The following PDZD8 variants were observed in gnomAD, a reference collection of about 807,000 sequenced individuals.
PDZD8 encodes PDZ domain-containing protein 8.
Under a neutral mutation model 85.8 loss-of-function variants are expected in PDZD8, and 14 were observed. That is an observed-to-expected ratio of 0.16 (90% CI 0.11 to 0.26). The LOEUF (loss-of-function observed/expected upper bound fraction) is 0.26. Ranked by LOEUF, PDZD8 falls within the 10% of genes least tolerant of loss-of-function variation. PDZD8 has a pLI of 1.00. For synonymous variants in PDZD8, 592 were observed against 568.6 expected (o/e 1.04, Z -0.59); for missense variants, 1,197 against 1,424.3 (o/e 0.84, Z 2.57).
intron 1 of PDZD8, among the ~76,000 whole-genome samples, chr10:117,342,345 T>A (rs1198818928): frequency 6.6e-6 from 1 of 151,746 alleles, no homozygotes; most frequent in Non-Finnish European, 1.5e-5. Flanking sequence ...CCATGATATC[T>A]ACTTGCTCAG....
intron 4 of PDZD8, chr10:117,285,687 T>G: frequency 1.7e-6 from 2 of 1,201,794 alleles, no homozygotes; most frequent in Non-Finnish European, 2.1e-6. Flanking sequence ...ATCCTGGAGA[T>G]GTTTACCTTT....
chr10:117,346,520 T>C (rs1844712080), intron 1 of PDZD8, among the ~76,000 whole-genome samples: 1 of 151,322 alleles, frequency 6.6e-6, no homozygotes, highest in South Asian at 2.1e-4. Flanking sequence ...TAAGTAATTT[T>C]TAGGCAGCAA....
At chr10:117,339,633 T>C (rs939322460) in intron 2 of PDZD8, among the ~76,000 whole-genome samples, 1 of 152,214 alleles carries the variant, frequency 6.6e-6, no homozygotes, top group Non-Finnish European at 1.5e-5. Flanking sequence ...AAAATTCATA[T>C]ACAAAGTTTT....
Position 117,294,828 on chromosome 10 carries a change from C to T in PDZD8, c.1099-4480G>A, listed in dbSNP as rs138753585. On this transcript the variant is annotated intron_variant, in intron 3 of 4. Transcript: ENST00000334464. ...AAAAACTTGATCTCATAGAAATAGA[C>T]GTAGAAGAGTGGTTACCAGAGGCTG... 5.3e-5 allele frequency among the ~76,000 whole-genome samples: 8 copies of T among 152,000 alleles called. No homozygotes were observed. In the East Asian group the frequency reaches 9.6e-4, roughly 18 times the overall value.
Position 117,284,639 on chromosome 10 carries a change from T to C in PDZD8, c.2094A>G (p.Ala698=). 1 of 1,614,230 alleles carries C rather than the reference T, an allele frequency of 6.2e-7. No individual in the cohort carries two copies. The highest frequency in any genetic ancestry group is 2.2e-5 in the East Asian group (1 of 44,890). ...AGGCTTCTATGTCAAACAAACAGGA[T>C]GCTCTGGTTCTTGTCCATTTTCCTA... ...NKLGKWTRTR[A]SCLFDIEACH... The change falls in exon 5 of 5, where the codon GCA becomes GCG. Residue 698 remains alanine (A), a synonymous_variant. Coordinates refer to ENST00000334464, the MANE Select transcript of PDZD8 (RefSeq NM_173791.5).
At chr10:117,373,604 C>CAAAAAAAAAAAAAAAAAAAA (rs796930758) in intron 1 of PDZD8, among the ~76,000 whole-genome samples, 1 of 52,430 alleles carries the variant, frequency 1.9e-5, no homozygotes, top group African/African-American at 6.7e-5. Flanking sequence ...CTAAAAAATA[C>CAAAAAAAAAAAAAAAAAAAA]AAAAAAAAAA....
Position 117,284,594 on chromosome 10 carries a change from A to G in PDZD8, c.2139T>C (p.Ile713=). Residue 713 remains isoleucine (I), a synonymous_variant, in exon 5 of 5, where the codon ATT becomes ATC. Coordinates refer to ENST00000334464, the MANE Select transcript of PDZD8 (RefSeq NM_173791.5). ...DIEACHRYLN[I]ALWCRDPFKL... is the part of the protein sequence containing the mutation. ...TGAAAGGATCCCTGCACCACAATGCAATGTTTAAGTACCTGTGACAGGCTT... is the reference window on the plus strand; with the variant it reads ...TGAAAGGATCCCTGCACCACAATGCGATGTTTAAGTACCTGTGACAGGCTT... 6.2e-7 allele frequency: 1 copy of G among 1,614,210 alleles called. No individual in the cohort carries two copies. The highest frequency in any genetic ancestry group is 8.5e-7 in the Non-Finnish European group (1 of 1,180,034).
chr10:117,364,506 G>A (rs10886063), intron 1 of PDZD8, among the ~76,000 whole-genome samples: 76,560 of 151,480 alleles, frequency 0.51, 20,309 homozygotes, highest in African/African-American at 0.68. Flanking sequence ...TATTTCCGTA[G>A]GAAGTCTGAG....
At position 117,374,882 on chromosome 10, in the gene PDZD8, G is replaced by A. The variant is rs780672951; in HGVS notation, c.346C>T (p.Arg116Cys). 6.2e-7 allele frequency: 1 copy of A among 1,613,572 alleles called. No homozygotes were observed. The highest frequency in any genetic ancestry group is 8.5e-7 in the Non-Finnish European group (1 of 1,179,896). The change falls in exon 1 of 5, where the codon CGC becomes TGC. Residue 116 changes from arginine (R) to cysteine (C), a missense_variant. By Grantham distance (180) the Arg-to-Cys change is radical. Around this residue, in one of 4 missense-constraint regions of PDZD8, gnomAD observed 344 missense variants for 453.6 expected, o/e 0.76. Coordinates refer to ENST00000334464, the MANE Select transcript of PDZD8 (RefSeq NM_173791.5). The surrounding 1 kb of genome is among the most constrained non-coding windows in gnomAD (Gnocchi z 7.8). ...FRELRDTALT[R>C]RWVTKKIKVE... ...TTGATCTTCTTGGTGACCCAGCGGC[G>A]GGTCAGCGCGGTGTCCCGCAACTCC... is the stretch of plus-strand genomic sequence containing the variant.
chr10:117,374,611 A>G lies in PDZD8; in HGVS notation c.617T>C (p.Ile206Thr). The change falls in exon 1 of 5, where the codon ATC becomes ACC. Residue 206 changes from isoleucine to threonine, a missense_variant. This residue lies in a region of PDZD8 where 344 missense variants were observed against 453.6 expected (regional missense o/e 0.76). Transcript: ENST00000334464. This position sits in a 1 kb window ranked among gnomAD's most constrained non-coding sequence, Gnocchi z 7.8. ...CTTGCCGAAGACCAGGTCCACGTCGATGGCCAGGTGGAAGCCCCCGTTGTA... is the reference window on the plus strand; with the variant it reads ...CTTGCCGAAGACCAGGTCCACGTCGGTGGCCAGGTGGAAGCCCCCGTTGTA... ...VEYNGGFHLA[I>T]DVDLVFGKSA... 1 of 1,588,060 alleles carries G rather than the reference A, an allele frequency of 6.3e-7. No homozygotes were observed. The highest frequency in any genetic ancestry group is 1.3e-5 in the African/African-American group (1 of 74,602).
At chr10:117,342,077 A>G (rs1337239143) in intron 1 of PDZD8, among the ~76,000 whole-genome samples, 1 of 152,194 alleles carries the variant, frequency 6.6e-6, no homozygotes, top group Admixed American at 6.5e-5. Context: ...CAAAACCAGA[A>G]TTCAAGCTAG....
At chr10:117,373,893 C>T (rs1845240200) in intron 1 of PDZD8, among the ~76,000 whole-genome samples, 3 of 152,196 alleles carry the variant, frequency 2.0e-5, no homozygotes, top group Admixed American at 1.3e-4. Context: ...CAAATTAGCA[C>T]AGACCTGGGC....
chr10:117,331,051 A>T (rs1844413427), intron 2 of PDZD8, among the ~76,000 whole-genome samples: 1 of 152,146 alleles, frequency 6.6e-6, no homozygotes, highest in Non-Finnish European at 1.5e-5. Flanking sequence ...TTCAAATTAG[A>T]CAGCCTCATA....
At chr10:117,350,298 G>A (rs930753545) in intron 1 of PDZD8, among the ~76,000 whole-genome samples, 1 of 136,838 alleles carries the variant, frequency 7.3e-6, no homozygotes, top group African/African-American at 2.6e-5. Flanking sequence ...ACGGAGTCTT[G>A]CTCTGTCCCA....
intron 3 of PDZD8, among the ~76,000 whole-genome samples, chr10:117,306,815 C>T (rs1326669050): frequency 6.6e-6 from 1 of 152,104 alleles, no homozygotes; most frequent in Non-Finnish European, 1.5e-5. Context: ...TTGTTTCACT[C>T]TGCATATTAT....
chr10:117,290,352 T>C lies in PDZD8; in HGVS notation c.1099-4A>G. ...AATTTCCTTTTATTAATTCAACCTT[T>C]GATAAAGGGGAAAAAAATGAAAACT... is the stretch of plus-strand genomic sequence containing the variant. On this transcript the variant is annotated splice_region_variant and splice_polypyrimidine_tract_variant and intron_variant, in intron 3 of 4. Transcript: ENST00000334464. The C allele has an allele frequency of 1.3e-6, 2 of 1,586,822 alleles. No individual in the cohort carries two copies. The highest frequency in any genetic ancestry group is 1.4e-5 in the African/African-American group (1 of 73,804).
chr10:117,329,490 C>T (rs1357539339), intron 2 of PDZD8, among the ~76,000 whole-genome samples: 1 of 152,020 alleles, frequency 6.6e-6, no homozygotes, highest in Admixed American at 6.6e-5. Context: ...TGTGAAAAAT[C>T]AGACCTTGGC....
intron 3 of PDZD8, among the ~76,000 whole-genome samples, chr10:117,308,643 A>G (rs1843985094): frequency 6.6e-6 from 1 of 152,098 alleles, no homozygotes; most frequent in Non-Finnish European, 1.5e-5. Flanking sequence ...ACCCAGGCCT[A>G]TAGGACACCA....
intron 1 of PDZD8, among the ~76,000 whole-genome samples, chr10:117,361,094 G>A (rs890320304): frequency 2.0e-5 from 3 of 152,080 alleles, no homozygotes; most frequent in Non-Finnish European, 4.4e-5. Flanking sequence ...ATATATTTGC[G>A]AGAGAACAAG....
Sources: gnomAD v4.1 joint callset for allele counts (sites outside exome capture counted in the v4.1 genomes callset) on GRCh38, gnomAD v4.1.1 for gene constraint, gnomAD v4.1.1 regional missense constraint, Gnocchi (gnomAD v3.1) non-coding constraint, MANE v1.5 for transcripts, NCBI Gene and HGNC (gene_info 2026-07-23, HGNC 2026-07-21) for gene names.